CORO7: variants seen among roughly 807,000 people sequenced by gnomAD.
The protein encoded by CORO7 is coronin 7, also known as coronin-7.
CORO7 carries 107 observed loss-of-function variants against 126.6 expected under a neutral mutation model. That is an observed-to-expected ratio of 0.85 (90% CI 0.72 to 0.99). CORO7 has a LOEUF of 0.99. Among genes scored for constraint, CORO7 ranks in the 50% least tolerant of loss-of-function variants. The probability of loss-of-function intolerance (pLI) is 0.00; values close to 1 mark genes in which losing one functional copy is unlikely to be tolerated. For missense variants in CORO7, 1,314 were observed against 1,255.8 expected (o/e 1.05, Z -0.70); for synonymous variants, 603 against 536.8 (o/e 1.12, Z -1.70).
At position 4,362,010 on chromosome 16, in the gene CORO7, C is replaced by G. The variant is rs1187477540; in HGVS notation, c.1553G>C (p.Ser518Thr). ...KLRVAVPLLS[S>T]GGQVAVLELR... is the part of the protein sequence containing the mutation. ...CTCAAGCACAGCCACCTGTCCCCCG[C>G]TGCTGAGCAGCGGCACGGCCACACG... Residue 518 changes from serine (S) to threonine (T), a missense_variant, in exon 16 of 28, where the codon AGC becomes ACC. By Grantham distance (58) the Ser-to-Thr change is moderately conservative. Transcript: ENST00000251166. This position sits in a 1 kb window ranked among gnomAD's most constrained non-coding sequence, Gnocchi z 5.3. 6.2e-7 allele frequency: 1 copy of G among 1,611,132 alleles called. No individual in the cohort carries two copies. The highest frequency in any genetic ancestry group is 8.5e-7 in the Non-Finnish European group (1 of 1,179,130).
At chr16:4,399,007 G>A (rs561745355) in intron 6 of CORO7, among the ~76,000 whole-genome samples, 10 of 151,836 alleles carry the variant, frequency 6.6e-5, no homozygotes, top group Admixed American at 1.3e-4. Context: ...TGGTGGGTAC[G>A]TGAAGTTAGA....
chr16:4,362,553 G>A lies in CORO7; in HGVS notation c.1402+59C>T, dbSNP rs1257424196. The A allele has an allele frequency of 2.7e-6, 4 of 1,487,106 alleles. No homozygotes were observed. The East Asian group carries it at 1.0e-4, about 37-fold the overall frequency. 92.1% of individuals were successfully genotyped at this position (1,487,106 alleles called of 1,614,324 possible). On this transcript the variant is annotated intron_variant, in intron 15 of 27. Transcript: ENST00000251166. The surrounding 1 kb of genome is among the most constrained non-coding windows in gnomAD (Gnocchi z 5.3). ...CAGTAGGGTACACAGGAGGATGACG[G>A]GGAGTGGGGCAGACAGGGCTCCTGC...
At chr16:4,359,120 T>C in intron 23 of CORO7, 176 bp downstream of exon 23, 1 of 706,654 alleles carries the variant, frequency 1.4e-6, no homozygotes. Context: ...CTCTCAAAAT[T>C]CCTAAATAAT....
rs189269592 is a variant in CORO7, at chr16:4,360,415, A to G, written c.2022+29T>C. 190 of 1,613,078 alleles carry G rather than the reference A, an allele frequency of 1.2e-4. No homozygotes were observed. In the African/African-American group the frequency reaches 2.0e-3, roughly 17 times the overall value. On this transcript the variant is annotated intron_variant, in intron 20 of 27. Coordinates refer to ENST00000251166, the MANE Select transcript of CORO7 (RefSeq NM_024535.5). ...AGCCAGCACCCCTGAACCAGGTCTG[A>G]GGCCACTCCCCAGCCCCTGTGTGCT...
At chr16:4,408,619 G>A (rs2056098101) in intron 3 of CORO7, among the ~76,000 whole-genome samples, 1 of 152,216 alleles carries the variant, frequency 6.6e-6, no homozygotes, top group South Asian at 2.1e-4. Flanking sequence ...CTAAGAAATT[G>A]CTTTTTGGTT....
intron 9 of CORO7, chr16:4,380,879 T>G: frequency 6.6e-7 from 1 of 1,519,254 alleles, no homozygotes; most frequent in South Asian, 1.3e-5. Context: ...GGACAGAAGA[T>G]GTGCTCCAGG....
intron 9 of CORO7, among the ~76,000 whole-genome samples, chr16:4,373,609 C>A: frequency 6.6e-6 from 1 of 152,176 alleles, no homozygotes; most frequent in East Asian, 1.9e-4. Context: ...AAGGGAGATG[C>A]CCCGGGCAGG....
chr16:4,409,620 C>G (rs1401608892), intron 3 of CORO7, among the ~76,000 whole-genome samples: 1 of 152,206 alleles, frequency 6.6e-6, no homozygotes, highest in Non-Finnish European at 1.5e-5. Context: ...CCAAGTCACG[C>G]GGCTAAGAGA....
chr16:4,391,385 A>G (rs1038701810), intron 7 of CORO7, among the ~76,000 whole-genome samples: 2 of 152,136 alleles, frequency 1.3e-5, no homozygotes, highest in African/African-American at 4.8e-5. Context: ...GTGAAACCCC[A>G]TCTCTACCAA....
Position 4,364,350 on chromosome 16 carries a change from G to A in CORO7, c.1201C>T (p.Pro401Ser), listed in dbSNP as rs765322072. The A allele has an allele frequency of 3.3e-6, 5 of 1,526,796 alleles. No individual in the cohort carries two copies. Among genetic ancestry groups the A allele is most frequent in the Middle Eastern group, 1.8e-4 (1 of 5,504 alleles). 94.6% of individuals were successfully genotyped at this position (1,526,796 alleles called of 1,614,324 possible). The change falls in exon 14 of 28, where the codon CCC (proline) becomes TCC (serine). Residue 401 changes from proline to serine, a missense_variant. Transcript: ENST00000251166. ...PHPSFTSCLV[P>S]PAEPLPDTAQ... The stretch of plus-strand genomic sequence containing the variant: ...GTGTCAGGGAGGGGCTCCGCAGGGG[G>A]CACCAGACAGGAAGTGAAGCTCGGG...
At chr16:4,359,139 C>G (rs1408118174) in intron 23 of CORO7, 157 bp downstream of exon 23, 1 of 761,592 alleles carries the variant, frequency 1.3e-6, no homozygotes, top group Admixed American at 3.3e-5. Flanking sequence ...ATTCCAGCAG[C>G]AACTCTTCTT....
At chr16:4,403,733 C>G (rs999455139) in intron 6 of CORO7, among the ~76,000 whole-genome samples, 1 of 152,196 alleles carries the variant, frequency 6.6e-6, no homozygotes, top group African/African-American at 2.4e-5. Context: ...GGCTCGGACC[C>G]CCAGGAGGAG....
intron 3 of CORO7, among the ~76,000 whole-genome samples, chr16:4,411,516 A>G (rs1234800294): frequency 6.6e-6 from 1 of 152,198 alleles, no homozygotes; most frequent in Non-Finnish European, 1.5e-5. Context: ...AGCCCGGGCA[A>G]TATAGCAAGA....
intron 6 of CORO7, among the ~76,000 whole-genome samples, chr16:4,396,173 T>C (rs529759326): frequency 9.2e-5 from 14 of 152,188 alleles, no homozygotes; most frequent in South Asian, 4.2e-4. Context: ...TCTGCCTCCC[T>C]GGTTCAAGCG....
At chr16:4,415,308 C>T (rs2056367189) in intron 1 of CORO7, among the ~76,000 whole-genome samples, 1 of 152,158 alleles carries the variant, frequency 6.6e-6, no homozygotes, top group Admixed American at 6.6e-5. Flanking sequence ...TTCCATTTCT[C>T]CACCAGGCTC....
Position 4,416,580 on chromosome 16 carries a change from G to C in CORO7, c.-62C>G. Reference sequence around the variant, plus strand: ...CCCGGGCGTCGGGTCTCAGGTGCACGCTGAGCAACCGCGACTCCCGCTGCC... The same window carrying C: ...CCCGGGCGTCGGGTCTCAGGTGCACCCTGAGCAACCGCGACTCCCGCTGCC... On this transcript the variant is annotated 5_prime_UTR_variant, in exon 1 of 28. Transcript: ENST00000251166. The C allele has an allele frequency of 6.4e-7, 1 of 1,551,144 alleles. No individual in the cohort carries two copies.
chr16:4,364,732 C>G (rs749031171), intron 12 of CORO7, 43 bp from the exon 13 acceptor site: 1 of 1,592,646 alleles, frequency 6.3e-7, no homozygotes, highest in East Asian at 2.3e-5. Flanking sequence ...CCAGGCCCCC[C>G]GACTCCCCAG....
chr16:4,387,652 G>A, intron 9 of CORO7: 1 of 268,010 alleles, frequency 3.7e-6, no homozygotes, highest in Non-Finnish European at 7.3e-6. Flanking sequence ...AACATCCACA[G>A]AAAAATGAAG....
At chr16:4,358,803 A>G in intron 23 of CORO7, 1 of 339,160 alleles carries the variant, frequency 2.9e-6, no homozygotes, top group Non-Finnish European at 5.3e-6. Flanking sequence ...CAACACAGAA[A>G]CATGTGACCT....
Sources: gnomAD v4.1 joint callset for allele counts (sites outside exome capture counted in the v4.1 genomes callset) on GRCh38, gnomAD v4.1.1 for gene constraint, Gnocchi (gnomAD v3.1) non-coding constraint, MANE v1.5 for transcripts, NCBI Gene and HGNC (gene_info 2026-07-23, HGNC 2026-07-21) for gene names.